TPD52: variants seen among roughly 807,000 people sequenced by gnomAD.
TPD52 encodes prostate and colon associated protein.
Under a neutral mutation model 31.3 loss-of-function variants are expected in TPD52, and 17 were observed. That is an observed-to-expected ratio of 0.54 (90% CI 0.37 to 0.82). The LOEUF is 0.82. Among genes scored for constraint, TPD52 ranks in the 40% least tolerant of loss-of-function variants. TPD52 has a pLI of 0.00. For missense variants in TPD52, 212 were observed against 240.1 expected, an observed-to-expected ratio of 0.88 and a Z score of 0.77; for synonymous variants, 83 against 89.6, an observed-to-expected ratio of 0.93 and a Z score of 0.42.
chr8:80,155,631 C>T (rs1309304019), intron 1 of TPD52, among the ~76,000 whole-genome samples: 5 of 152,182 alleles, frequency 3.3e-5, no homozygotes, highest in Non-Finnish European at 7.4e-5. Context: ...CGCCTGTAAT[C>T]TCAGCACTTT....
chr8:80,136,380 CG>C (rs1809417653), intron 1 of TPD52, among the ~76,000 whole-genome samples: 1 of 150,560 alleles, frequency 6.6e-6, no homozygotes, highest in Non-Finnish European at 1.5e-5. Context: ...AAAAATTAGC[CG>C]GGCGTGGTGG....
intron 1 of TPD52, among the ~76,000 whole-genome samples, chr8:80,082,103 C>T (rs1234713720): frequency 1.3e-5 from 2 of 151,216 alleles, no homozygotes; most frequent in Non-Finnish European, 2.9e-5. Context: ...CCACCGTGCC[C>T]GGACTATGGT....
chr8:80,051,403 C>A, intron 4 of TPD52, 124 bp downstream of exon 4: 2 of 833,948 alleles, frequency 2.4e-6, no homozygotes, highest in South Asian at 1.6e-5. Context: ...TGAAGGAGTG[C>A]CCTCCCTCAC....
chr8:80,136,083 G>A lies in TPD52; in HGVS notation c.19+35342C>T, dbSNP rs1176934279. ...ACCAGCATGGCACATGTATACATAT[G>A]TAACTAACCTGCACAATGTGCACAT... On this transcript the variant is annotated intron_variant, in intron 1 of 7. Coordinates refer to ENST00000518937, the MANE Select transcript of TPD52 (RefSeq NM_001025253.3). Among the ~76,000 whole-genome samples, 991 of 139,566 alleles carry A rather than the reference G, an allele frequency of 7.1e-3. 16 individuals are homozygous for A. Among genetic ancestry groups the A allele is most frequent in the African/African-American group, 0.025 (940 of 38,144 alleles). The allele number at this position is 139,566 out of a possible 152,430, so 91.6% of individuals were successfully genotyped here.
At chr8:80,166,319 G>A (rs1433227326) in intron 1 of TPD52, among the ~76,000 whole-genome samples, 2 of 151,498 alleles carry the variant, frequency 1.3e-5, no homozygotes, top group African/African-American at 2.4e-5. Flanking sequence ...TGCAACCTCC[G>A]CCTCCCAGGT....
chr8:80,066,163 A>G (rs993762468), intron 1 of TPD52, among the ~76,000 whole-genome samples: 1 of 152,206 alleles, frequency 6.6e-6, no homozygotes, highest in African/African-American at 2.4e-5. Context: ...CTGTGGAACA[A>G]GCAGCCAGCG....
rs1184974005 is a variant in TPD52 at position 80,064,534 on chromosome 8, C to A, written c.79G>T (p.Ala27Ser). 1.2e-6 allele frequency: 2 copies of A among 1,614,158 alleles called. No homozygotes were observed. Among genetic ancestry groups the A allele is most frequent in the Admixed American group, 3.3e-5 (2 of 60,020 alleles). Residue 27 changes from alanine (A) to serine (S), a missense_variant, in exon 2 of 8, where the codon GCC becomes TCC. Physicochemically the swap from Ala to Ser is moderately conservative, Grantham distance 99. Coordinates refer to ENST00000518937, the MANE Select transcript of TPD52 (RefSeq NM_001025253.3). ...TCCTCTTCCGAGAGGGTCTCTGTGGCACTGATCGTGGCAGCAACATCTTCT... is the reference window on the plus strand; with the variant it reads ...TCCTCTTCCGAGAGGGTCTCTGTGGAACTGATCGTGGCAGCAACATCTTCT... ...EGEDVAATIS[A>S]TETLSEEEQE...
At chr8:80,137,463 A>C (rs1809514948) in intron 1 of TPD52, among the ~76,000 whole-genome samples, 1 of 152,204 alleles carries the variant, frequency 6.6e-6, no homozygotes, top group Non-Finnish European at 1.5e-5. Flanking sequence ...AAAACAAGCA[A>C]AGTACAGAAT....
At chr8:80,065,993 T>C (rs1813102901) in intron 1 of TPD52, among the ~76,000 whole-genome samples, 2 of 151,144 alleles carry the variant, frequency 1.3e-5, no homozygotes, top group South Asian at 4.2e-4. Flanking sequence ...CTGCCTGCTC[T>C]TCCTGCCAGT....
Position 80,139,828 on chromosome 8 carries a change from A to G in TPD52, c.19+31597T>C, listed in dbSNP as rs538540622. Among the ~76,000 whole-genome samples, 3 of 152,258 alleles carry G rather than the reference A, an allele frequency of 2.0e-5. No individual in the cohort carries two copies. In the South Asian group the frequency reaches 6.2e-4, roughly 32 times the overall value. On this transcript the variant is annotated intron_variant, in intron 1 of 7. Coordinates refer to ENST00000518937, the MANE Select transcript of TPD52 (RefSeq NM_001025253.3). ...CTCCTAACCATCTTGACAGGAATAC[A>G]AGACATTTACAAATGGGGAGCCTGA...
In TPD52 at chr8:80,044,215, G is replaced by T; in HGVS notation, c.414-7C>A. ...ATGCTGAATGGAACGTATACTAAGA[G>T]GCAGCATTAAAAAGAGATAGAAATA... On this transcript the variant is annotated splice_region_variant and splice_polypyrimidine_tract_variant and intron_variant, in intron 5 of 7. Coordinates refer to ENST00000518937, the MANE Select transcript of TPD52 (RefSeq NM_001025253.3). 6.4e-7 allele frequency: 1 copy of T among 1,574,500 alleles called. No individual in the cohort carries two copies. Among genetic ancestry groups the T allele is most frequent in the South Asian group, 1.2e-5 (1 of 84,076 alleles).
rs922874831 is a variant in TPD52 at position 80,171,535 on chromosome 8, C to G, written c.-92G>C. On this transcript the variant is annotated 5_prime_UTR_variant, in exon 1 of 8. Transcript: ENST00000518937. ...CCCGCCGCGCCGCGCAGAGCTCCTC[C>G]TCGCCTCCGCCGGCGACTCCCGCGA... The G allele has an allele frequency of 1.4e-6, 2 of 1,411,792 alleles. No homozygotes were observed. The highest frequency in any genetic ancestry group is 1.5e-5 in the African/African-American group (1 of 66,298). The allele number at this position is 1,411,792 out of a possible 1,614,324, so 87.5% of individuals were successfully genotyped here.
rs200499338 is a variant in TPD52, at chr8:80,053,345, T to G, written c.221A>C (p.Asn74Thr). Residue 74 changes from asparagine to threonine, a missense_variant, in exon 3 of 8, where the codon AAT becomes ACT. Coordinates refer to ENST00000518937, the MANE Select transcript of TPD52 (RefSeq NM_001025253.3). ...GTTCTGTTTTAGTTCCTGTAGAGAA[T>G]TGATTCCAAGTTTCCGCTTGATCTC... ...LAEIKRKLGI[N>T]SLQELKQNIA... 9.9e-6 allele frequency: 16 copies of G among 1,613,712 alleles called. No individual in the cohort carries two copies. In the Admixed American group the frequency reaches 2.7e-4, roughly 27 times the overall value.
chr8:80,105,112 A>G (rs1383683712), intron 1 of TPD52, among the ~76,000 whole-genome samples: 2 of 152,126 alleles, frequency 1.3e-5, no homozygotes, highest in African/African-American at 4.8e-5. Context: ...TACTTAATTC[A>G]TTTCTTTTTG....
chr8:80,056,087 C>T (rs1021211826), intron 2 of TPD52, among the ~76,000 whole-genome samples: 6 of 152,144 alleles, frequency 3.9e-5, no homozygotes, highest in Non-Finnish European at 5.9e-5. Flanking sequence ...TACCTACACC[C>T]CCACGTTTAT....
downstream of TPD52, among the ~76,000 whole-genome samples, chr8:80,032,427 T>G (rs1809718045): frequency 6.6e-6 from 1 of 152,106 alleles, no homozygotes. Context: ...CAGGCCTGGC[T>G]GGGCAGCAGT....
At position 80,116,114 on chromosome 8, in the gene TPD52, A is replaced by G. The variant is rs182324982; in HGVS notation, c.20-51521T>C. Among the ~76,000 whole-genome samples, 3 of 152,294 alleles carry G rather than the reference A, an allele frequency of 2.0e-5. No homozygotes were observed. The East Asian group carries it at 5.8e-4, about 29-fold the overall frequency. On this transcript the variant is annotated intron_variant, in intron 1 of 7. Coordinates refer to ENST00000518937, the MANE Select transcript of TPD52 (RefSeq NM_001025253.3). The stretch of plus-strand genomic sequence containing the variant: ...CTAACAAATCAACTGCTAAGAATTT[A>G]CCCTCAGAAACACACTATCACCAAA...
chr8:80,061,384 C>CA lies in TPD52; in HGVS notation c.135+3093_135+3094insT, dbSNP rs201499464. Among the ~76,000 whole-genome samples the CA allele has an allele frequency of 1.2e-3, 139 of 116,588 alleles. 2 individuals are homozygous for CA. The highest frequency in any genetic ancestry group is 4.4e-3 in the African/African-American group (132 of 30,144). 76.5% of individuals were successfully genotyped at this position (116,588 alleles called of 152,430 possible). On this transcript the variant is annotated intron_variant, in intron 2 of 7. Transcript: ENST00000518937. The stretch of plus-strand genomic sequence containing the variant: ...CATACCTTCCCCCCCACCGCCCCCC[C>CA]CAAAAAAAAAAGAATCCACAAAAAA...
intron 2 of TPD52, among the ~76,000 whole-genome samples, chr8:80,055,392 T>C (rs1295521680): frequency 6.6e-6 from 1 of 152,198 alleles, no homozygotes; most frequent in East Asian, 1.9e-4. Context: ...TAAGAATCTC[T>C]GATGTGTCTA....
Sources: allele counts gnomAD v4.1 joint callset (sites outside exome capture counted in the v4.1 genomes callset), GRCh38; gene constraint gnomAD v4.1.1; transcripts MANE v1.5; gene names NCBI Gene and HGNC (gene_info 2026-07-23, HGNC 2026-07-21).